PIK3CB: variants seen among roughly 807,000 people sequenced by gnomAD.
The protein encoded by PIK3CB is phosphatidylinositol 4,5-bisphosphate 3-kinase catalytic subunit beta isoform.
A neutral mutation model predicts 136.8 loss-of-function variants in PIK3CB; 39 were observed. The ratio of observed to expected loss-of-function variants is 0.29; its 90% CI spans 0.22 to 0.37. The LOEUF (loss-of-function observed/expected upper bound fraction) is 0.37, where lower values mean the gene tolerates loss of function less well. Ranked by LOEUF, PIK3CB falls within the 10% of genes least tolerant of loss-of-function variation. The pLI, the probability that PIK3CB is intolerant of heterozygous loss-of-function variation, is 1.00. For missense variants in PIK3CB, 868 were observed against 1,275.4 expected, an observed-to-expected ratio of 0.68 and a Z score of 4.87; for synonymous variants, 428 against 436.6, an observed-to-expected ratio of 0.98 and a Z score of 0.25.
At chr3:138,736,747 AAAAT>A (rs2045114245) in intron 6 of PIK3CB, among the ~76,000 whole-genome samples, 1 of 152,210 alleles carries the variant, frequency 6.6e-6, no homozygotes, top group Non-Finnish European at 1.5e-5. Flanking sequence ...TAATTAAATG[AAAAT>A]AAATAAATAC....
intron 2 of PIK3CB, among the ~76,000 whole-genome samples, chr3:138,786,545 C>T (rs550050301): frequency 1.1e-4 from 17 of 152,090 alleles, no homozygotes; most frequent in African/African-American, 4.1e-4. Context: ...GGGGTTTCAC[C>T]ATGTTGGCCA....
Position 138,821,515 on chromosome 3 carries a change from C to T in PIK3CB, c.-122+13180G>A, listed in dbSNP as rs540224370. On this transcript the variant is annotated intron_variant, in intron 1 of 23. Coordinates refer to ENST00000674063, the MANE Select transcript of PIK3CB (RefSeq NM_006219.3). ...AAAAATATTAATAGCCTGGGCATGG[C>T]GGCTCACGTCTGTAATCCCAGCACT... 5.8e-4 allele frequency among the ~76,000 whole-genome samples: 88 copies of T among 151,036 alleles called. 1 individual carries two copies. Among genetic ancestry groups the T allele is most frequent in the Non-Finnish European group, 8.4e-4 (57 of 67,722 alleles).
chr3:138,686,027 C>T (rs1309985381), intron 16 of PIK3CB, among the ~76,000 whole-genome samples: 2 of 151,978 alleles, frequency 1.3e-5, no homozygotes, highest in Non-Finnish European at 2.9e-5. Context: ...ATCCCAGCTA[C>T]TCAGGAGGCT....
rs11344311 is a variant in PIK3CB at position 138,737,394 on chromosome 3, CAAAAAAAAAAAAA to C, written c.801+300_801+312del. ...TAGGCGACAGAGCAACACTCTGTCTCAAAAAAAAAAAAAAAAAAAAAAAAAAAAGCAAAGCAGA... is the reference window on the plus strand; with the variant it reads ...TAGGCGACAGAGCAACACTCTGTCTCAAAAAAAAAAAAAAAGCAAAGCAGA... On this transcript the variant is annotated intron_variant, in intron 6 of 23. Transcript: ENST00000674063. 1.5e-4 allele frequency among the ~76,000 whole-genome samples: 6 copies of C among 39,066 alleles called. No individual in the cohort carries two copies. The East Asian group carries it at 3.7e-3, about 24-fold the overall frequency. 25.6% of individuals were successfully genotyped at this position (39,066 alleles called of 152,430 possible). A position where few individuals can be genotyped will look rare whatever the true frequency, so the allele number is the denominator to read the frequency against.
chr3:138,810,449 G>A (rs545263794), intron 1 of PIK3CB, among the ~76,000 whole-genome samples: 19 of 151,742 alleles, frequency 1.3e-4, no homozygotes, highest in Non-Finnish European at 2.5e-4. Flanking sequence ...TCATTTTTTA[G>A]TATATACTTT....
At chr3:138,731,452 C>T (rs1270440555) in intron 8 of PIK3CB, among the ~76,000 whole-genome samples, 3 of 151,560 alleles carry the variant, frequency 2.0e-5, no homozygotes, top group South Asian at 2.1e-4. Context: ...GGGATTTCGC[C>T]GTGTTCCCCA....
At chr3:138,671,858 A>G (rs2043540237) in intron 19 of PIK3CB, among the ~76,000 whole-genome samples, 1 of 152,214 alleles carries the variant, frequency 6.6e-6, no homozygotes, top group Admixed American at 6.5e-5. Flanking sequence ...GGGTTGTACA[A>G]TCTAAACTAA....
chr3:138,693,951 ATATATATATATATAT>A (rs201624363), intron 14 of PIK3CB, among the ~76,000 whole-genome samples: 2,249 of 39,256 alleles, frequency 0.057, 99 homozygotes, highest in East Asian at 0.27. Context: ...ATATATATAT[ATATATATATATATAT>A]TATATATATA....
chr3:138,763,764 T>TA (rs1323908909), intron 2 of PIK3CB, among the ~76,000 whole-genome samples: 2 of 152,288 alleles, frequency 1.3e-5, no homozygotes, highest in East Asian at 3.9e-4. Flanking sequence ...TGCCAAGATA[T>TA]AAAATTCTAA....
At chr3:138,753,893 T>C (rs949741848) in intron 4 of PIK3CB, among the ~76,000 whole-genome samples, 4 of 152,344 alleles carry the variant, frequency 2.6e-5, no homozygotes, top group African/African-American at 9.6e-5. Flanking sequence ...AAAATCAATG[T>C]GGTTCTGGTT....
intron 2 of PIK3CB, among the ~76,000 whole-genome samples, chr3:138,776,674 C>T (rs557234256): frequency 1.3e-5 from 2 of 151,734 alleles, no homozygotes; most frequent in East Asian, 1.9e-4. Flanking sequence ...CCAGCCTGGG[C>T]GACAGAGTGA....
intron 20 of PIK3CB, 48 bp downstream of exon 20, chr3:138,664,988 G>C (rs1416046267): frequency 7.5e-7 from 1 of 1,331,574 alleles, no homozygotes; most frequent in Non-Finnish European, 1.0e-6. Flanking sequence ...TACAGTATTT[G>C]TTTGGCTGTT....
intron 2 of PIK3CB, among the ~76,000 whole-genome samples, chr3:138,786,458 C>T (rs1453132739): frequency 6.6e-6 from 1 of 151,954 alleles, no homozygotes; most frequent in Non-Finnish European, 1.5e-5. Flanking sequence ...CAGGTTCAAG[C>T]CTCAGCCTCC....
At chr3:138,827,881 A>T (rs962919807) in intron 1 of PIK3CB, among the ~76,000 whole-genome samples, 1 of 151,528 alleles carries the variant, frequency 6.6e-6, no homozygotes, top group Non-Finnish European at 1.5e-5. Flanking sequence ...CCAGCCACTC[A>T]GGAGGCTGAA....
chr3:138,681,041 G>GTTTTTTTT (rs533702208), intron 19 of PIK3CB, among the ~76,000 whole-genome samples: 1 of 127,328 alleles, frequency 7.9e-6, no homozygotes. Context: ...TTTCATGTTA[G>GTTTTTTTT]TTTTTTTTTT....
In PIK3CB at chr3:138,831,085, G is replaced by T. The variant is rs182977074; in HGVS notation, c.-122+3610C>A. On this transcript the variant is annotated intron_variant, in intron 1 of 23. Coordinates refer to ENST00000674063, the MANE Select transcript of PIK3CB (RefSeq NM_006219.3). ...ATCACGAGGTCAGGAGATCAAGACCGCCCTGACTAACACGGTGAAACCCCG... is the reference window on the plus strand; with the variant it reads ...ATCACGAGGTCAGGAGATCAAGACCTCCCTGACTAACACGGTGAAACCCCG... Among the ~76,000 whole-genome samples, 1,184 of 140,934 alleles carry T rather than the reference G, an allele frequency of 8.4e-3. 19 individuals are homozygous for T. The highest frequency in any genetic ancestry group is 0.03 in the African/African-American group (1,153 of 38,400). 92.5% of individuals were successfully genotyped at this position (140,934 alleles called of 152,430 possible). A position where few individuals can be genotyped will look rare whatever the true frequency, so the allele number is the denominator to read the frequency against.
chr3:138,748,652 T>C (rs1424799799), intron 4 of PIK3CB, among the ~76,000 whole-genome samples: 1 of 152,176 alleles, frequency 6.6e-6, no homozygotes, highest in African/African-American at 2.4e-5. Flanking sequence ...GAGATAAAAA[T>C]ACAATCAATC....
At chr3:138,690,340 G>T (rs957318925) in intron 15 of PIK3CB, among the ~76,000 whole-genome samples, 2 of 151,914 alleles carry the variant, frequency 1.3e-5, no homozygotes, top group Admixed American at 6.6e-5. Context: ...TCAGCACTAT[G>T]AAGTCCAGAT....
intron 19 of PIK3CB, among the ~76,000 whole-genome samples, chr3:138,679,049 G>T (rs2043707506): frequency 6.6e-6 from 1 of 152,044 alleles, no homozygotes; most frequent in African/African-American, 2.4e-5. Context: ...CTGGGTGACA[G>T]AGTAAGACTC....
Sources: allele counts gnomAD v4.1 joint callset (sites outside exome capture counted in the v4.1 genomes callset), GRCh38; gene constraint gnomAD v4.1.1; transcripts MANE v1.5; gene names NCBI Gene and HGNC (gene_info 2026-07-23, HGNC 2026-07-21).